IPCEF1: variants seen among roughly 807,000 people sequenced by gnomAD.
The protein encoded by IPCEF1 is interaction protein for cytohesin exchange factors 1, also known as interactor protein for cytohesin exchange factors 1.
Under a neutral mutation model 50.9 loss-of-function variants are expected in IPCEF1, and 31 were observed. The observed-to-expected ratio is 0.61, with a 90% CI of 0.46 to 0.82. IPCEF1 has a LOEUF of 0.82. IPCEF1 is among the 40% of genes least tolerant of loss of function. The pLI, the probability that IPCEF1 is intolerant of heterozygous loss-of-function variation, is 0.00. For missense variants in IPCEF1, 458 were observed against 514.0 expected (o/e 0.89, Z 1.05); for synonymous variants, 181 against 192.0 (o/e 0.94, Z 0.47).
chr6:154,323,478 G>A (rs1055690820), intron 1 of IPCEF1, among the ~76,000 whole-genome samples: 2 of 150,772 alleles, frequency 1.3e-5, no homozygotes, highest in South Asian at 2.1e-4. Context: ...ACAAATAAAC[G>A]TTTATTTAGT....
chr6:154,276,709 A>C (rs1246984157), intron 2 of IPCEF1, among the ~76,000 whole-genome samples: 2 of 152,224 alleles, frequency 1.3e-5, no homozygotes, highest in African/African-American at 4.8e-5. Flanking sequence ...TTGCCTTTTC[A>C]AATTCTCCTT....
chr6:154,223,087 C>G (rs1778994723), intron 6 of IPCEF1, 83 bp downstream of exon 6: 5 of 1,119,992 alleles, frequency 4.5e-6, no homozygotes, highest in Non-Finnish European at 5.4e-6. Flanking sequence ...TCACTCACTT[C>G]TAAATCACCA....
Position 154,168,033 on chromosome 6 carries a change from C to T in IPCEF1, c.991G>A (p.Asp331Asn), listed in dbSNP as rs1326134888. The change falls in exon 11 of 12, where the codon GAC becomes AAC. Residue 331 changes from aspartate to asparagine, a missense_variant. By Grantham distance (23) the Asp-to-Asn change is conservative (BLOSUM62 1). Coordinates refer to ENST00000367220, the MANE Select transcript of IPCEF1 (RefSeq NM_001130700.2). This position sits in a 1 kb window ranked among gnomAD's most constrained non-coding sequence, Gnocchi z 4.1. ...TCCTTTTTAGTCGAAGGTCGTCGGT[C>T]CCCAAGAGGAGATAGACTAGCTTGC... The part of the protein sequence containing the change: ...LEQASLSPLG[D>N]RRPSTKKELR... 13 of 1,610,848 alleles carry T rather than the reference C, an allele frequency of 8.1e-6. No individual in the cohort carries two copies. The highest frequency in any genetic ancestry group is 1.3e-5 in the African/African-American group (1 of 74,858).
chr6:154,327,110 C>A (rs1394974955), intron 1 of IPCEF1, among the ~76,000 whole-genome samples: 1 of 152,128 alleles, frequency 6.6e-6, no homozygotes, highest in African/African-American at 2.4e-5. Context: ...ACCATAAAAA[C>A]CCTAGAAGAA....
Position 154,159,854 on chromosome 6 carries a change from A to G in IPCEF1, c.1291T>C (p.Ser431Pro). 1.2e-6 allele frequency: 2 copies of G among 1,611,524 alleles called. No individual in the cohort carries two copies. Among genetic ancestry groups the G allele is most frequent in the Admixed American group, 3.4e-5 (2 of 59,078 alleles). Residue 431 changes from serine to proline, a missense_variant, in exon 12 of 12, where the codon TCT (serine) becomes CCT (proline). Physicochemically the swap from Ser to Pro is moderately conservative, Grantham distance 74. Coordinates refer to ENST00000367220, the MANE Select transcript of IPCEF1 (RefSeq NM_001130700.2). ...CAAATGGAATTTTCAACAGAGGGAGAAGAAGGTGATTTCTTGAGTTCCTGG... is the reference window on the plus strand; with the variant it reads ...CAAATGGAATTTTCAACAGAGGGAGGAGAAGGTGATTTCTTGAGTTCCTGG... ...TPQELKKSPS[S>P]PSVENSI is the part of the protein sequence containing the mutation.
At chr6:154,190,537 GGA>G (rs1397020327) in intron 10 of IPCEF1, among the ~76,000 whole-genome samples, 12 of 152,286 alleles carry the variant, frequency 7.9e-5, no homozygotes, top group Non-Finnish European at 4.4e-5. Context: ...TGAAGCAACA[GGA>G]ACTCTCATTC....
rs35957369 is a variant in IPCEF1 at position 154,200,025 on chromosome 6, A to G, written c.553T>C (p.Ser185Pro). 1,530 of 1,613,238 alleles carry G rather than the reference A, an allele frequency of 9.5e-4. 15 individuals are homozygous for G. In the African/African-American group the frequency reaches 0.018, roughly 19 times the overall value. ...QTQSLTAQQA[S>P]SSSPSLSGTS... is the part of the protein sequence containing the mutation. ...CCACTCAGGCTGGGTGAGGATGAAGATGCCTGCTGTGCAGTCTATTTTTCA... is the reference window on the plus strand; with the variant it reads ...CCACTCAGGCTGGGTGAGGATGAAGGTGCCTGCTGTGCAGTCTATTTTTCA... Residue 185 changes from serine (S) to proline (P), a missense_variant, in exon 10 of 12, where the codon TCT (serine) becomes CCT (proline). Coordinates refer to ENST00000367220, the MANE Select transcript of IPCEF1 (RefSeq NM_001130700.2).
chr6:154,259,905 A>T (rs181863532), intron 3 of IPCEF1, among the ~76,000 whole-genome samples: 1 of 152,268 alleles, frequency 6.6e-6, no homozygotes, highest in African/African-American at 2.4e-5. Context: ...GGTTATGTTG[A>T]TGTAGCCTGA....
At chr6:154,185,229 C>T (rs1445350284) in intron 10 of IPCEF1, among the ~76,000 whole-genome samples, 1 of 152,136 alleles carries the variant, frequency 6.6e-6, no homozygotes, top group Non-Finnish European at 1.5e-5. Flanking sequence ...ATGGGTCCTG[C>T]CAAGGAGGAG....
chr6:154,277,352 C>T (rs1296954422), intron 2 of IPCEF1, among the ~76,000 whole-genome samples: 1 of 152,170 alleles, frequency 6.6e-6, no homozygotes, highest in African/African-American at 2.4e-5. Context: ...CCCCCCATCC[C>T]AAATTGAGAT....
intron 1 of IPCEF1, among the ~76,000 whole-genome samples, chr6:154,309,576 C>T (rs1277169051): frequency 2.0e-5 from 3 of 152,074 alleles, no homozygotes; most frequent in Admixed American, 6.6e-5. Context: ...GGGGAGGTGC[C>T]GCCCTCCTTG....
intron 1 of IPCEF1, among the ~76,000 whole-genome samples, chr6:154,333,898 G>A (rs1783732814): frequency 6.6e-6 from 1 of 151,886 alleles, no homozygotes; most frequent in South Asian, 2.1e-4. Flanking sequence ...CATACAACAT[G>A]CAAGGGCTTA....
At chr6:154,349,161 T>C (rs1410850413) in intron 1 of IPCEF1, among the ~76,000 whole-genome samples, 1 of 151,236 alleles carries the variant, frequency 6.6e-6, no homozygotes, top group Non-Finnish European at 1.5e-5. Context: ...TTTTCCTTTC[T>C]CAGAGGTTTG....
chr6:154,319,362 G>A (rs1783314323), intron 1 of IPCEF1, among the ~76,000 whole-genome samples: 1 of 152,102 alleles, frequency 6.6e-6, no homozygotes, highest in Non-Finnish European at 1.5e-5. Flanking sequence ...TATACATGGG[G>A]TACACAGGCA....
intron 3 of IPCEF1, among the ~76,000 whole-genome samples, chr6:154,255,029 G>A (rs573768110): frequency 1.3e-5 from 2 of 151,994 alleles, no homozygotes; most frequent in South Asian, 4.2e-4. Flanking sequence ...TCTTGTTATT[G>A]CAGTCTACAT....
At chr6:154,180,414 A>ATATATATATATATATTTTTTTTTT (rs1241250621) in intron 10 of IPCEF1, among the ~76,000 whole-genome samples, 1 of 65,266 alleles carries the variant, frequency 1.5e-5, no homozygotes, top group African/African-American at 4.8e-5. Context: ...ATATATATAT[A>ATATATATATATATATTTTTTTTTT]TTTTTTTTTT....
In IPCEF1 at chr6:154,254,121, T is replaced by C. The variant is rs188460206; in HGVS notation, c.37-6633A>G. Among the ~76,000 whole-genome samples, 255 of 152,334 alleles carry C rather than the reference T, an allele frequency of 1.7e-3. 1 individual carries two copies. Among genetic ancestry groups the C allele is most frequent in the South Asian group, 3.1e-3 (15 of 4,828 alleles). ...GAAATTTTTACTACTTTTTTTAATTTCTAAATTCATTGCATTTTGTTCAGA... is the reference window on the plus strand; with the variant it reads ...GAAATTTTTACTACTTTTTTTAATTCCTAAATTCATTGCATTTTGTTCAGA... On this transcript the variant is annotated intron_variant, in intron 3 of 11. Transcript: ENST00000367220.
At chr6:154,172,220 T>A (rs1799931340) in intron 10 of IPCEF1, among the ~76,000 whole-genome samples, 1 of 152,220 alleles carries the variant, frequency 6.6e-6, no homozygotes, top group African/African-American at 2.4e-5. Flanking sequence ...CCCAGTGAAA[T>A]CAATGCAGAA....
chr6:154,193,541 C>T (rs970262522), intron 10 of IPCEF1, among the ~76,000 whole-genome samples: 1 of 152,182 alleles, frequency 6.6e-6, no homozygotes, highest in Non-Finnish European at 1.5e-5. Flanking sequence ...CATCTATCTG[C>T]ATATACTTGT....
Sources: gnomAD v4.1 joint callset for allele counts (sites outside exome capture counted in the v4.1 genomes callset) on GRCh38, gnomAD v4.1.1 for gene constraint, Gnocchi (gnomAD v3.1) non-coding constraint, MANE v1.5 for transcripts, NCBI Gene and HGNC (gene_info 2026-07-23, HGNC 2026-07-21) for gene names.